Variants in C2orf80 observed in about 807,000 individuals in gnomAD.
The protein encoded by C2orf80 is uncharacterized protein C2orf80.
Under a neutral mutation model 30.2 loss-of-function variants are expected in C2orf80, and 28 were observed. The observed-to-expected ratio is 0.93, with a 90% confidence interval of 0.69 to 1.27. The LOEUF (loss-of-function observed/expected upper bound fraction) is 1.27, where lower values mean the gene tolerates loss of function less well. C2orf80 is among the 50% of genes most tolerant of loss of function. The probability of loss-of-function intolerance (pLI) is 0.00; values close to 1 mark genes in which losing one functional copy is unlikely to be tolerated. For synonymous variants in C2orf80, 80 were observed against 76.4 expected (o/e 1.05, Z -0.24); for missense variants, 220 against 231.0 (o/e 0.95, Z 0.31).
chr2:208,184,190 C>G (rs985520473), intron 3 of C2orf80, among the ~76,000 whole-genome samples: 3 of 152,192 alleles, frequency 2.0e-5, no homozygotes, highest in African/African-American at 7.2e-5. Context: ...CCCCCTCACC[C>G]CCGCCCCCCT....
rs769113460 is a variant in C2orf80, at chr2:208,181,262, C to G, written c.250G>C (p.Glu84Gln). The G allele has an allele frequency of 1.2e-6, 2 of 1,611,466 alleles. No homozygotes were observed. Among genetic ancestry groups the G allele is most frequent in the Admixed American group, 1.7e-5 (1 of 60,010 alleles). ...HGRPIYPNRR[E>Q]REAMILSSYA... ...GATGATAAAATCATAGCTTCTCGTT[C>G]TCTACGATTTGGATATATGGGTCTG... The change falls in exon 5 of 9, where the codon GAA (glutamate) becomes CAA (glutamine). Residue 84 changes from glutamate to glutamine, a missense_variant. Coordinates refer to ENST00000341287, the MANE Select transcript of C2orf80 (RefSeq NM_001099334.3).
At chr2:208,182,401 AAGAC>A (rs1696587567) in intron 4 of C2orf80, among the ~76,000 whole-genome samples, 1 of 152,154 alleles carries the variant, frequency 6.6e-6, no homozygotes, top group Non-Finnish European at 1.5e-5. Context: ...TCATGTTTCT[AAGAC>A]AGAGCATTCT....
At chr2:208,170,919 G>A in intron 8 of C2orf80, 26 bp downstream of exon 8, 1 of 1,556,486 alleles carries the variant, frequency 6.4e-7, no homozygotes, top group Non-Finnish European at 8.9e-7. Context: ...GTATCAGTTT[G>A]GTCCAATTTA....
At chr2:208,176,023 C>T (rs553954586) in intron 6 of C2orf80, among the ~76,000 whole-genome samples, 1 of 152,124 alleles carries the variant, frequency 6.6e-6, no homozygotes, top group Non-Finnish European at 1.5e-5. Flanking sequence ...AAATTACGCC[C>T]TCTGTGATCA....
At chr2:208,185,687 T>C (rs1055443562) in intron 2 of C2orf80, among the ~76,000 whole-genome samples, 9 of 152,106 alleles carry the variant, frequency 5.9e-5, no homozygotes, top group South Asian at 2.1e-4. Context: ...ATCTCCCAGG[T>C]TGATTTTGGC....
intron 2 of C2orf80, among the ~76,000 whole-genome samples, chr2:208,185,649 A>G (rs780055078): frequency 3.3e-4 from 50 of 152,172 alleles, no homozygotes; most frequent in Non-Finnish European, 6.8e-4. Flanking sequence ...CAGAGAAAAA[A>G]TAGGTGCAGG....
chr2:208,171,006 TC>T lies in C2orf80; in HGVS notation c.511del (p.Glu171LysfsTer34). 1 of 1,614,188 alleles carries T rather than the reference TC, an allele frequency of 6.2e-7. No individual in the cohort carries two copies. The highest frequency in any genetic ancestry group is 1.1e-5 in the South Asian group (1 of 91,082). On this transcript the variant is annotated frameshift_variant, in exon 8 of 9. Coordinates refer to ENST00000341287, the MANE Select transcript of C2orf80 (RefSeq NM_001099334.3). LOFTEE classifies it high-confidence loss of function. ...NKNATSISAKEANATEWKSSQ... is the reference protein window; with the variant it reads ...NKNATSISAKXANATEWKSSQ... The stretch of plus-strand genomic sequence containing the variant: ...TGATTTCCATTCTGTGGCATTTGCT[TC>T]CTTTGCAGAGATGCTGGTGGCATTT...
intron 6 of C2orf80, among the ~76,000 whole-genome samples, chr2:208,172,470 G>T (rs1696133398): frequency 6.6e-6 from 1 of 152,068 alleles, no homozygotes; most frequent in African/African-American, 2.4e-5. Context: ...TGCTGGCACA[G>T]TTCCCCCTGC....
intron 6 of C2orf80, among the ~76,000 whole-genome samples, 191 bp from the exon 7 acceptor site, chr2:208,172,266 A>G (rs1041163022): frequency 6.6e-6 from 1 of 152,120 alleles, no homozygotes; most frequent in African/African-American, 2.4e-5. Context: ...ACTTGCACAC[A>G]TGGCCTTTTG....
At chr2:208,176,366 G>T (rs1444468805) in intron 6 of C2orf80, among the ~76,000 whole-genome samples, 2 of 152,140 alleles carry the variant, frequency 1.3e-5, no homozygotes, top group African/African-American at 4.8e-5. Flanking sequence ...AGTAGAGATG[G>T]GGTTTCACCA....
chr2:208,177,218 G>A (rs1370211697), intron 6 of C2orf80, among the ~76,000 whole-genome samples: 2 of 145,810 alleles, frequency 1.4e-5, no homozygotes, highest in African/African-American at 5.0e-5. Flanking sequence ...ATATATAATC[G>A]AGCCATCATT....
Position 208,165,671 on chromosome 2 carries a change from A to G in C2orf80, c.*136T>C. 1 of 1,171,012 alleles carries G rather than the reference A, an allele frequency of 8.5e-7. No homozygotes were observed. The highest frequency in any genetic ancestry group is 1.2e-6 in the Non-Finnish European group (1 of 830,134). The allele number at this position is 1,171,012 out of a possible 1,614,324, so 72.5% of individuals were successfully genotyped here. A position where few individuals can be genotyped will look rare whatever the true frequency, so the allele number is the denominator to read the frequency against. Reference sequence around the variant, plus strand: ...TAAAAGAAGAAAGCTCAACATCAAAAATAACACTTCAGTGCAGTTGTACCA... The same window carrying G: ...TAAAAGAAGAAAGCTCAACATCAAAGATAACACTTCAGTGCAGTTGTACCA... On this transcript the variant is annotated 3_prime_UTR_variant, in exon 9 of 9. Coordinates refer to ENST00000341287, the MANE Select transcript of C2orf80 (RefSeq NM_001099334.3).
chr2:208,167,772 TGC>T (rs1695948865), intron 8 of C2orf80, among the ~76,000 whole-genome samples: 1 of 151,948 alleles, frequency 6.6e-6, no homozygotes, highest in South Asian at 2.1e-4. Context: ...AGATGGGGTT[TGC>T]CATGTTGTTC....
chr2:208,180,807 G>C lies in C2orf80; in HGVS notation c.304C>G (p.Pro102Ala). The C allele has an allele frequency of 6.2e-7, 1 of 1,613,084 alleles. No individual in the cohort carries two copies. Among genetic ancestry groups the C allele is most frequent in the South Asian group, 1.1e-5 (1 of 90,976 alleles). ...SYAGILMNSI[P>A]IEEVFKIYGA... ...TAAATTTTAAAGACTTCCTCAATCG[G>C]GATACTGTTCTGTTAAACAACAACA... Residue 102 changes from proline to alanine, a missense_variant, in exon 6 of 9, where the codon CCG (proline) becomes GCG (alanine). Transcript: ENST00000341287.
Position 208,184,968 on chromosome 2 carries a change from T to G in C2orf80, c.106A>C (p.Thr36Pro). 6.2e-7 allele frequency: 1 copy of G among 1,613,584 alleles called. No individual in the cohort carries two copies. Among genetic ancestry groups the G allele is most frequent in the South Asian group, 1.1e-5 (1 of 91,076 alleles). ...TTCTTTACCATATCATCTAGAAAGG[T>G]GAGTTGCCGTCTTCCTTTTGGGTCA... is the stretch of plus-strand genomic sequence containing the variant. ...EFDPKGRRQL[T>P]FLDDMAHYDL... The change falls in exon 3 of 9, where the codon ACC becomes CCC. Residue 36 changes from threonine to proline, a missense_variant. Thr to Pro is a conservative substitution (Grantham distance 38). Coordinates refer to ENST00000341287, the MANE Select transcript of C2orf80 (RefSeq NM_001099334.3).
chr2:208,183,237 G>A (rs1166825799), intron 3 of C2orf80, among the ~76,000 whole-genome samples, 190 bp from the exon 4 acceptor site: 2 of 150,470 alleles, frequency 1.3e-5, no homozygotes, highest in Non-Finnish European at 2.9e-5. Context: ...TCGCCTCACA[G>A]GGATGAATCA....
intron 3 of C2orf80, among the ~76,000 whole-genome samples, chr2:208,184,680 C>T (rs544798161): frequency 6.6e-6 from 1 of 152,300 alleles, no homozygotes; most frequent in South Asian, 2.1e-4. Flanking sequence ...ACAGACGTAA[C>T]ATTTTGCCTG....
At position 208,183,121 on chromosome 2, in the gene C2orf80, A is replaced by G; in HGVS notation, c.124-74T>C. On this transcript the variant is annotated intron_variant, in intron 3 of 8. Transcript: ENST00000341287. Reference sequence around the variant, plus strand: ...CGAAGTACTCCCTGGACCCAATGACAATGGGACTGCTAAGCCTATTCTAGT... The same window carrying G: ...CGAAGTACTCCCTGGACCCAATGACGATGGGACTGCTAAGCCTATTCTAGT... 1.7e-5 allele frequency: 20 copies of G among 1,150,738 alleles called. No individual in the cohort carries two copies. The South Asian group carries it at 2.2e-4, about 13-fold the overall frequency. The allele number at this position is 1,150,738 out of a possible 1,614,324, so 71.3% of individuals were successfully genotyped here.
chr2:208,187,002 A>G lies in C2orf80; in HGVS notation c.-16T>C, dbSNP rs1456912878. 2.5e-6 allele frequency: 4 copies of G among 1,613,822 alleles called. No individual in the cohort carries two copies. The highest frequency in any genetic ancestry group is 3.4e-6 in the Non-Finnish European group (4 of 1,179,710). On this transcript the variant is annotated 5_prime_UTR_variant, in exon 2 of 9. Coordinates refer to ENST00000341287, the MANE Select transcript of C2orf80 (RefSeq NM_001099334.3). ...TTCTTTCCATGTTAAAGGCTTAGCC[A>G]GCTGAGCAGGTATCTGCAGCTAACA...
Sources: allele counts gnomAD v4.1 joint callset (sites outside exome capture counted in the v4.1 genomes callset), GRCh38; gene constraint gnomAD v4.1.1; transcripts MANE v1.5; gene names NCBI Gene and HGNC (gene_info 2026-07-23, HGNC 2026-07-21).